MLLT10: variants seen among roughly 807,000 people sequenced by gnomAD.
MLLT10 encodes protein AF-10.
In MLLT10, 30 loss-of-function variants were observed where a neutral mutation model predicts 129.1. That is an observed-to-expected ratio of 0.23 (90% CI 0.17 to 0.32). The LOEUF (loss-of-function observed/expected upper bound fraction) is 0.32, where lower values mean the gene tolerates loss of function less well. Among genes scored for constraint, MLLT10 ranks in the 10% least tolerant of loss-of-function variants. The probability of loss-of-function intolerance (pLI) is 1.00; values close to 1 mark genes in which losing one functional copy is unlikely to be tolerated. For synonymous variants in MLLT10, 490 were observed against 446.4 expected, an observed-to-expected ratio of 1.10 and a Z score of -1.23; for missense variants, 1,119 against 1,268.3, an observed-to-expected ratio of 0.88 and a Z score of 1.79.
chr10:21,626,255 C>A, intron 8 of MLLT10: 1 of 1,553,854 alleles, frequency 6.4e-7, no homozygotes. Flanking sequence ...ATCAATTGCT[C>A]TTTCATCAAG....
At chr10:21,625,103 G>A (rs1259553526) in intron 8 of MLLT10, 5 of 914,998 alleles carry the variant, frequency 5.5e-6, no homozygotes, top group African/African-American at 3.3e-5. Flanking sequence ...CTGGAGGTTA[G>A]CCATATCCAC....
At chr10:21,535,002 C>T (rs1053362924) in intron 2 of MLLT10, among the ~76,000 whole-genome samples, 198 bp downstream of exon 2, 1 of 149,560 alleles carries the variant, frequency 6.7e-6, no homozygotes, top group African/African-American at 2.4e-5. Flanking sequence ...TCATGTGATT[C>T]CGCTCTCACT....
At chr10:21,549,763 C>G (rs1025288309) in intron 3 of MLLT10, among the ~76,000 whole-genome samples, 7 of 151,516 alleles carry the variant, frequency 4.6e-5, no homozygotes, top group Non-Finnish European at 7.4e-5. Flanking sequence ...CTTAGCTTCC[C>G]GAGTAGCTGG....
chr10:21,541,219 A>G (rs1388399930), intron 3 of MLLT10: 3 of 151,910 alleles, frequency 2.0e-5, no homozygotes, highest in East Asian at 3.9e-4. Context: ...TCTCAGAACT[A>G]TTTGTATTTT....
chr10:21,725,145 G>A (rs1490432163), intron 14 of MLLT10, among the ~76,000 whole-genome samples: 1 of 152,206 alleles, frequency 6.6e-6, no homozygotes, highest in Non-Finnish European at 1.5e-5. Flanking sequence ...TTTTACTAAT[G>A]ACAGAGTTAA....
intron 8 of MLLT10, among the ~76,000 whole-genome samples, chr10:21,638,536 G>A (rs948656417): frequency 1.3e-5 from 2 of 152,008 alleles, no homozygotes; most frequent in Non-Finnish European, 2.9e-5. Context: ...GTATCCAACA[G>A]AGTCTTAAAA....
At chr10:21,733,740 A>T in intron 19 of MLLT10, 28 bp from the exon 20 acceptor site, 2 of 1,580,234 alleles carry the variant, frequency 1.3e-6, no homozygotes, top group Non-Finnish European at 1.7e-6. Flanking sequence ...TGTCCAGTGG[A>T]CTTAGTTTCT....
At chr10:21,740,574 T>C (rs1296167929) in intron 22 of MLLT10, among the ~76,000 whole-genome samples, 1 of 152,226 alleles carries the variant, frequency 6.6e-6, no homozygotes, top group Admixed American at 6.5e-5. Context: ...ATCTTGGAAA[T>C]ATTTTTATTT....
chr10:21,719,125 T>C (rs1161937121), intron 14 of MLLT10, among the ~76,000 whole-genome samples: 2 of 152,232 alleles, frequency 1.3e-5, no homozygotes, highest in Non-Finnish European at 2.9e-5. Flanking sequence ...CCAATATGAT[T>C]ATGTATGTGT....
intron 9 of MLLT10, among the ~76,000 whole-genome samples, chr10:21,654,771 CA>C (rs556972492): frequency 3.0e-4 from 45 of 152,160 alleles, no homozygotes; most frequent in African/African-American, 1.0e-3. Flanking sequence ...GGGTAAATGC[CA>C]GGGGGGTTAT....
At chr10:21,661,575 C>CT (rs1168905473) in intron 9 of MLLT10, 1 of 152,136 alleles carries the variant, frequency 6.6e-6, no homozygotes, top group Non-Finnish European at 1.5e-5. Context: ...AGTATTTCTG[C>CT]TTTTTGAAAA....
At position 21,675,909 on chromosome 10, in the gene MLLT10, T is replaced by C. The variant is rs200178721; in HGVS notation, c.1621+1990T>C. Among the ~76,000 whole-genome samples the C allele has an allele frequency of 2.0e-4, 31 of 152,236 alleles. No homozygotes were observed. In the East Asian group the frequency reaches 5.8e-3, roughly 28 times the overall value. On this transcript the variant is annotated intron_variant, in intron 11 of 22. Coordinates refer to ENST00000307729, the MANE Select transcript of MLLT10 (RefSeq NM_001195626.3). ...AAATATTTTCCTATCTGTTACAGAT[T>C]TGGGGAGATGTTAGGTGTGAGGAAT...
At chr10:21,640,030 A>C (rs751818511) in intron 8 of MLLT10, among the ~76,000 whole-genome samples, 6 of 151,800 alleles carry the variant, frequency 4.0e-5, no homozygotes, top group Non-Finnish European at 8.8e-5. Flanking sequence ...CTGAAGCTGC[A>C]TCAGGAACCA....
At chr10:21,597,851 T>C (rs1325478726) in intron 5 of MLLT10, among the ~76,000 whole-genome samples, 4 of 152,236 alleles carry the variant, frequency 2.6e-5, no homozygotes, top group Non-Finnish European at 5.9e-5. Flanking sequence ...CATATGTGAT[T>C]CTGTGTTCTT....
chr10:21,698,825 T>C (rs2054614617), intron 13 of MLLT10, among the ~76,000 whole-genome samples: 1 of 152,178 alleles, frequency 6.6e-6, no homozygotes, highest in African/African-American at 2.4e-5. Context: ...TGATGATTAG[T>C]GATGTTGAGC....
intron 3 of MLLT10, among the ~76,000 whole-genome samples, chr10:21,551,658 C>T (rs1032778389): frequency 6.6e-6 from 1 of 151,826 alleles, no homozygotes; most frequent in African/African-American, 2.4e-5. Flanking sequence ...TCTTTTCTAA[C>T]CTCCCTACAA....
At chr10:21,561,081 T>C (rs1239817870) in intron 3 of MLLT10, among the ~76,000 whole-genome samples, 1 of 152,234 alleles carries the variant, frequency 6.6e-6, no homozygotes, top group Non-Finnish European at 1.5e-5. Context: ...TGTCCTTTTA[T>C]GCACAGAGAT....
intron 9 of MLLT10, among the ~76,000 whole-genome samples, chr10:21,660,138 T>G (rs1034966926): frequency 1.3e-5 from 2 of 152,024 alleles, no homozygotes; most frequent in African/African-American, 4.8e-5. Context: ...TAATTTTTTC[T>G]TATAATTTTT....
At chr10:21,537,696 T>G (rs2034306428) in intron 2 of MLLT10, among the ~76,000 whole-genome samples, 1 of 152,100 alleles carries the variant, frequency 6.6e-6, no homozygotes, top group African/African-American at 2.4e-5. Flanking sequence ...CTGGAACTCC[T>G]GACCTCAGGT....
Sources: allele counts gnomAD v4.1 joint callset (sites outside exome capture counted in the v4.1 genomes callset), GRCh38; gene constraint gnomAD v4.1.1; transcripts MANE v1.5; gene names NCBI Gene and HGNC (gene_info 2026-07-23, HGNC 2026-07-21).